CNTNAP2: variants seen among roughly 807,000 people sequenced by gnomAD.
CNTNAP2 encodes the protein contactin associated protein 2, also known as contactin-associated protein-like 2.
CNTNAP2 carries 98 observed loss-of-function variants against 155.2 expected under a neutral mutation model. The ratio of observed to expected loss-of-function variants is 0.63; its 90% CI spans 0.54 to 0.75. The LOEUF is 0.75. CNTNAP2 is among the 30% of genes least tolerant of loss of function. CNTNAP2 has a pLI of 0.00. For missense variants in CNTNAP2, 1,727 were observed against 1,688.1 expected, an observed-to-expected ratio of 1.02 and a Z score of -0.40; for synonymous variants, 651 against 631.2, an observed-to-expected ratio of 1.03 and a Z score of -0.47.
intron 1 of CNTNAP2, among the ~76,000 whole-genome samples, chr7:146,770,065 C>A (rs545532129): frequency 6.6e-6 from 1 of 152,194 alleles, no homozygotes; most frequent in South Asian, 2.1e-4. Context: ...GTCTAATGAG[C>A]AACTCAACTA....
chr7:146,611,990 C>T (rs1436976238), intron 1 of CNTNAP2, among the ~76,000 whole-genome samples: 1 of 152,126 alleles, frequency 6.6e-6, no homozygotes, highest in East Asian at 1.9e-4. Flanking sequence ...TATCCTTGTC[C>T]ATCGATGAGT....
intron 10 of CNTNAP2, among the ~76,000 whole-genome samples, chr7:147,398,101 A>T (rs1306474590): frequency 6.6e-6 from 1 of 152,074 alleles, no homozygotes. Flanking sequence ...ATGAGACAGG[A>T]CTATTTTACT....
intron 1 of CNTNAP2, among the ~76,000 whole-genome samples, chr7:146,703,087 A>G (rs6953178): frequency 0.07 from 10,655 of 152,236 alleles, 941 homozygotes; most frequent in African/African-American, 0.21. Flanking sequence ...AAAGTTACAA[A>G]AGAAAAAGCC....
chr7:148,409,551 GA>G (rs972909478), intron 23 of CNTNAP2, 80 bp downstream of exon 23: 11 of 1,275,610 alleles, frequency 8.6e-6, no homozygotes, highest in Middle Eastern at 1.9e-4. Flanking sequence ...AGTAGTCTAG[GA>G]AAAAAAGTTT....
At chr7:146,240,331 G>A (rs1445223950) in intron 1 of CNTNAP2, among the ~76,000 whole-genome samples, 1 of 151,982 alleles carries the variant, frequency 6.6e-6, no homozygotes. Context: ...AGCCTTTGCA[G>A]AAATCAAATG....
chr7:146,601,701 T>C (rs1798952294), intron 1 of CNTNAP2, among the ~76,000 whole-genome samples: 2 of 152,064 alleles, frequency 1.3e-5, no homozygotes, highest in Admixed American at 1.3e-4. Flanking sequence ...CTCTATAAGA[T>C]ATTAAAACAT....
intron 2 of CNTNAP2, among the ~76,000 whole-genome samples, chr7:146,816,573 G>T (rs1803174541): frequency 6.6e-6 from 1 of 152,154 alleles, no homozygotes; most frequent in South Asian, 2.1e-4. Context: ...TTTGGAACTT[G>T]GGCGTATACC....
At chr7:147,269,095 G>A (rs1804681711) in intron 8 of CNTNAP2, among the ~76,000 whole-genome samples, 1 of 152,046 alleles carries the variant, frequency 6.6e-6, no homozygotes, top group Non-Finnish European at 1.5e-5. Flanking sequence ...CCCTTCCTTA[G>A]ACGAGAACTC....
intron 8 of CNTNAP2, among the ~76,000 whole-genome samples, chr7:147,227,852 A>G (rs991181367): frequency 1.3e-5 from 2 of 152,152 alleles, no homozygotes; most frequent in African/African-American, 4.8e-5. Context: ...AGAATTCCCA[A>G]TATAGAGATG....
At chr7:146,782,961 C>T (rs184109374) in intron 2 of CNTNAP2, among the ~76,000 whole-genome samples, 2 of 152,084 alleles carry the variant, frequency 1.3e-5, no homozygotes, top group Admixed American at 1.3e-4. Context: ...GTGTTTTCCC[C>T]CATTATCATC....
chr7:146,823,906 A>G (rs1389878207), intron 2 of CNTNAP2, among the ~76,000 whole-genome samples: 1 of 152,110 alleles, frequency 6.6e-6, no homozygotes, highest in African/African-American at 2.4e-5. Flanking sequence ...GTTCTGGGAT[A>G]CATGTGCAGA....
intron 1 of CNTNAP2, among the ~76,000 whole-genome samples, chr7:146,523,747 A>C (rs537789811): frequency 2.6e-5 from 4 of 152,310 alleles, no homozygotes; most frequent in African/African-American, 9.6e-5. Context: ...AAGTTTCAAC[A>C]GCAACCCTGT....
chr7:147,994,320 A>G (rs1439949462), intron 15 of CNTNAP2, among the ~76,000 whole-genome samples: 2 of 150,994 alleles, frequency 1.3e-5, no homozygotes, highest in Admixed American at 6.6e-5. Flanking sequence ...GCAGTGAGCT[A>G]TGATTGTGCC....
chr7:146,502,237 A>ATATATATATATGAATATATATGTG (rs1563109666), intron 1 of CNTNAP2, among the ~76,000 whole-genome samples: 1,611 of 67,370 alleles, frequency 0.024, 28 homozygotes, highest in East Asian at 0.092. Context: ...ATATATATAT[A>ATATATATATATGAATATATATGTG]TATATATATA....
intron 13 of CNTNAP2, among the ~76,000 whole-genome samples, chr7:147,880,802 G>C (rs1201144011): frequency 6.6e-6 from 1 of 151,796 alleles, no homozygotes; most frequent in Non-Finnish European, 1.5e-5. Flanking sequence ...TAATGAAATG[G>C]AAGGAGGAGT....
intron 1 of CNTNAP2, among the ~76,000 whole-genome samples, chr7:146,714,500 AGAT>A (rs1371598602): frequency 6.6e-6 from 1 of 152,112 alleles, no homozygotes; most frequent in East Asian, 1.9e-4. Flanking sequence ...ACCTCAGGTG[AGAT>A]GATATTTTTT....
At chr7:146,363,917 T>C (rs1795120047) in intron 1 of CNTNAP2, among the ~76,000 whole-genome samples, 1 of 152,152 alleles carries the variant, frequency 6.6e-6, no homozygotes, top group African/African-American at 2.4e-5. Context: ...GTAGACCTTC[T>C]TGAAGGGACA....
Position 146,906,420 on chromosome 7 carries a change from G to C in CNTNAP2, c.402+66516G>C, listed in dbSNP as rs371769086. ...TGTCCCTGTCTGACAGCTTTGAAGA[G>C]AGCAGTGGTTCTCCCAGCACGCAGC... On this transcript the variant is annotated intron_variant, in intron 3 of 23. Coordinates refer to ENST00000361727, the MANE Select transcript of CNTNAP2 (RefSeq NM_014141.6). Among the ~76,000 whole-genome samples the C allele has an allele frequency of 8.1e-4, 123 of 152,222 alleles. 1 individual carries two copies. The East Asian group carries it at 0.023, about 28-fold the overall frequency.
rs570133071 is a variant in CNTNAP2 at position 147,624,976 on chromosome 7, T to C, written c.1898-14130T>C. Among the ~76,000 whole-genome samples the C allele has an allele frequency of 5.3e-5, 8 of 152,158 alleles. No homozygotes were observed. In the South Asian group the frequency reaches 1.5e-3, roughly 28 times the overall value. On this transcript the variant is annotated intron_variant, in intron 12 of 23. Coordinates refer to ENST00000361727, the MANE Select transcript of CNTNAP2 (RefSeq NM_014141.6). The stretch of plus-strand genomic sequence containing the variant: ...GCAACAACATGGATGGAACTAGAGA[T>C]CATTATGTTAAGTGAAATAAGCCAG...
Sources: gnomAD v4.1 joint callset for allele counts (sites outside exome capture counted in the v4.1 genomes callset) on GRCh38, gnomAD v4.1.1 for gene constraint, MANE v1.5 for transcripts, NCBI Gene and HGNC (gene_info 2026-07-23, HGNC 2026-07-21) for gene names.